The following CDKN2B-AS1 variants were observed in gnomAD, a reference collection of about 807,000 sequenced individuals.
CDKN2B-AS1 encodes CDKN2B and CDKN2A antisense cis and trans regulatory RNA 1, also known as CDKN2B antisense RNA 1 (non-protein coding).
intron 1 of CDKN2B-AS1, among the ~76,000 whole-genome samples, chr9:22,017,737 T>C (rs1382058656): frequency 1.3e-5 from 2 of 151,844 alleles, no homozygotes; most frequent in African/African-American, 4.9e-5. Context: ...TATTGGTATA[T>C]ATTTGTTCAT....
intron 3 of CDKN2B-AS1, among the ~76,000 whole-genome samples, chr9:22,051,111 T>C (rs1004991215): frequency 6.6e-5 from 10 of 152,212 alleles, no homozygotes; most frequent in African/African-American, 2.4e-4. Context: ...AACTGTAATT[T>C]CCACTCTACT....
chr9:22,033,371 C>T (rs1032555926), intron 1 of CDKN2B-AS1, among the ~76,000 whole-genome samples: 12 of 152,134 alleles, frequency 7.9e-5, no homozygotes, highest in South Asian at 2.1e-4. Context: ...TACATACGGA[C>T]GAATTTGAAT....
intron 1 of CDKN2B-AS1, among the ~76,000 whole-genome samples, chr9:22,014,908 A>G (rs901815086): frequency 7.3e-5 from 11 of 151,628 alleles, no homozygotes; most frequent in South Asian, 2.1e-4. Context: ...ATGATTTCCA[A>G]TTTCATCCAT....
intron 4 of CDKN2B-AS1, among the ~76,000 whole-genome samples, chr9:22,069,992 C>T (rs910598394): frequency 3.3e-5 from 5 of 152,024 alleles, no homozygotes; most frequent in African/African-American, 9.7e-5. Context: ...TGGGAATGTG[C>T]GTTATCTAAT....
intron 4 of CDKN2B-AS1, among the ~76,000 whole-genome samples, chr9:22,126,228 GT>G (rs1395834091): frequency 6.6e-6 from 1 of 152,162 alleles, no homozygotes; most frequent in African/African-American, 2.4e-5. Context: ...TCCAACCTAT[GT>G]TTTTCCAGGG....
intron 4 of CDKN2B-AS1, among the ~76,000 whole-genome samples, chr9:22,074,849 G>T (rs566477349): frequency 6.6e-6 from 1 of 152,170 alleles, no homozygotes; most frequent in Non-Finnish European, 1.5e-5. Context: ...TGCCATGAAG[G>T]CTTTCATAGG....
chr9:22,077,858 T>C (rs760140146), intron 4 of CDKN2B-AS1: 2 of 152,206 alleles, frequency 1.3e-5, no homozygotes, highest in South Asian at 2.1e-4. Context: ...TTACAGATGA[T>C]GTATTGAAAG....
At chr9:22,118,461 A>G (rs368228793) in intron 4 of CDKN2B-AS1, 5 of 152,196 alleles carry the variant, frequency 3.3e-5, no homozygotes, top group African/African-American at 1.2e-4. Context: ...CACTCGAGAC[A>G]ACAAGGAACC....
chr9:22,052,325 G>T (rs905484663), intron 3 of CDKN2B-AS1, among the ~76,000 whole-genome samples: 1 of 152,082 alleles, frequency 6.6e-6, no homozygotes, highest in Non-Finnish European at 1.5e-5. Flanking sequence ...ATGAATGAAT[G>T]AAAAGCTAGA....
intron 4 of CDKN2B-AS1, among the ~76,000 whole-genome samples, chr9:22,080,203 T>C (rs990185851): frequency 3.9e-5 from 6 of 152,208 alleles, no homozygotes; most frequent in African/African-American, 7.2e-5. Context: ...TGTGAAAGGA[T>C]TGGGTTTTCC....
rs34700018 is a variant in CDKN2B-AS1 at position 22,126,574 on chromosome 9, C to CTTTTTTTTTTTTTT, written n.439-521_439-508dup. Among the ~76,000 whole-genome samples, 11 of 104,880 alleles carry CTTTTTTTTTTTTTT rather than the reference C, an allele frequency of 1.0e-4. 1 individual carries two copies. The highest frequency in any genetic ancestry group is 4.4e-4 in the African/African-American group (11 of 25,254). 68.8% of individuals were successfully genotyped at this position (104,880 alleles called of 152,430 possible). ...TGAATGGGGATGGAGTAAGTGGATT[C>CTTTTTTTTTTTTTT]TTTTTTTTTTTTTTTTTTTTTGAGA... is the stretch of plus-strand genomic sequence containing the variant. On this transcript the variant is annotated intron_variant and non_coding_transcript_variant, in intron 4 of 4. Transcript: ENST00000650946.
chr9:22,066,353 G>T (rs947096964), intron 4 of CDKN2B-AS1: 8 of 151,784 alleles, frequency 5.3e-5, no homozygotes, highest in African/African-American at 1.7e-4. Context: ...CACCATGCAT[G>T]GTTAGTTTTT....
chr9:22,119,463 G>A (rs1452985366), intron 4 of CDKN2B-AS1: 1 of 152,038 alleles, frequency 6.6e-6, no homozygotes, highest in Non-Finnish European at 1.5e-5. Flanking sequence ...ATCAAGTTAG[G>A]CGAGCAAAGA....
intron 3 of CDKN2B-AS1, among the ~76,000 whole-genome samples, chr9:22,050,608 C>T (rs1823305045): frequency 6.6e-6 from 1 of 152,154 alleles, no homozygotes; most frequent in Non-Finnish European, 1.5e-5. Flanking sequence ...GTGAATGCTT[C>T]CTAGGAGAGC....
chr9:22,094,354 A>G (rs1392532782), intron 4 of CDKN2B-AS1, among the ~76,000 whole-genome samples: 2 of 143,560 alleles, frequency 1.4e-5, no homozygotes, highest in African/African-American at 2.9e-5. Context: ...CCTGAATTTG[A>G]ATGTTGGCCT....
chr9:22,120,942 A>G (rs1210547603), intron 4 of CDKN2B-AS1: 2 of 152,138 alleles, frequency 1.3e-5, no homozygotes, highest in East Asian at 1.9e-4. Context: ...TATTATCCCC[A>G]TGTTACATAT....
intron 1 of CDKN2B-AS1, chr9:22,008,542 T>C (rs900507742): frequency 6.4e-5 from 57 of 889,838 alleles, no homozygotes; most frequent in Non-Finnish European, 1.3e-5. Flanking sequence ...CCCAATTCAG[T>C]CTATTCCTTG....
At chr9:22,011,345 A>G (rs1821498929) in intron 1 of CDKN2B-AS1, among the ~76,000 whole-genome samples, 1 of 152,238 alleles carries the variant, frequency 6.6e-6, no homozygotes, top group Non-Finnish European at 1.5e-5. Flanking sequence ...TATTTAGAAG[A>G]CGAGAAGAGA....
chr9:22,080,109 T>G (rs897589600), intron 4 of CDKN2B-AS1, among the ~76,000 whole-genome samples: 3 of 152,208 alleles, frequency 2.0e-5, no homozygotes, highest in African/African-American at 7.2e-5. Flanking sequence ...TGGTACTGAA[T>G]GAATAATCAC....
Sources: gnomAD v4.1 joint callset for allele counts (sites outside exome capture counted in the v4.1 genomes callset) on GRCh38, gnomAD v4.1.1 for gene constraint, MANE v1.5 for transcripts, NCBI Gene and HGNC (gene_info 2026-07-23, HGNC 2026-07-21) for gene names.